Variants in PAPOLA observed in about 807,000 individuals in gnomAD.
The protein encoded by PAPOLA is poly(A) polymerase alpha, also known as polynucleotide adenylyltransferase alpha.
PAPOLA carries 15 observed loss-of-function variants against 100.6 expected under a neutral mutation model. That is an observed-to-expected ratio of 0.15 (90% CI 0.10 to 0.23). PAPOLA has a LOEUF of 0.23. Ranked by LOEUF, PAPOLA falls within the 10% of genes least tolerant of loss-of-function variation. The pLI, the probability that PAPOLA is intolerant of heterozygous loss-of-function variation, is 1.00. For missense variants in PAPOLA, 533 were observed against 884.2 expected, an observed-to-expected ratio of 0.60 and a Z score of 5.04; for synonymous variants, 293 against 300.0, an observed-to-expected ratio of 0.98 and a Z score of 0.24.
Position 96,566,765 on chromosome 14 carries a change from G to A in PAPOLA, c.*1715G>A, listed in dbSNP as rs1375287550. On this transcript the variant is annotated 3_prime_UTR_variant, in exon 22 of 22. Transcript: ENST00000216277. ...CAGGTGAAATGTACAAGGTGTCTGT[G>A]TGTTTTGTGTAGCTTCAGAGTTAGA... is the stretch of plus-strand genomic sequence containing the variant. 1 of 152,502 alleles carries A rather than the reference G, an allele frequency of 6.6e-6. No homozygotes were observed. The highest frequency in any genetic ancestry group is 1.5e-5 in the Non-Finnish European group (1 of 67,986). 9.4% of individuals were successfully genotyped at this position (152,502 alleles called of 1,614,324 possible). A position where few individuals can be genotyped will look rare whatever the true frequency, so the allele number is the denominator to read the frequency against.
chr14:96,516,032 G>A (rs914425150), intron 1 of PAPOLA, among the ~76,000 whole-genome samples: 2 of 152,190 alleles, frequency 1.3e-5, no homozygotes, highest in Non-Finnish European at 2.9e-5. Flanking sequence ...CAATATTGGA[G>A]TATATAGTTT....
At chr14:96,541,397 G>A (rs993648327) in intron 12 of PAPOLA, among the ~76,000 whole-genome samples, 1 of 152,188 alleles carries the variant, frequency 6.6e-6, no homozygotes, top group African/African-American at 2.4e-5. Context: ...GATGATGTCA[G>A]TTTGCTTTTT....
intron 17 of PAPOLA, 62 bp from the exon 18 acceptor site, chr14:96,555,785 A>C: frequency 1.2e-6 from 1 of 829,040 alleles, no homozygotes; most frequent in Non-Finnish European, 1.9e-6. Context: ...AGATTATTGT[A>C]ATTTTTTTTT....
Position 96,520,152 on chromosome 14 carries a change from T to C in PAPOLA, c.106T>C (p.Cys36Arg), listed in dbSNP as rs1344778726. Residue 36 changes from cysteine to arginine, a missense_variant, in exon 2 of 22, where the codon TGC (cysteine) becomes CGC (arginine). This residue lies in a region of PAPOLA where 48 missense variants were observed against 52.3 expected (regional missense o/e 0.92). Transcript: ENST00000216277. ...CTTAGCAGCCCCCAAGGAGACTGAC[T>C]GCGTACTTACACAGAAACTAATTGA... ...ISLAAPKETD[C>R]VLTQKLIETL... 1.9e-6 allele frequency: 3 copies of C among 1,614,046 alleles called. No individual in the cohort carries two copies. In the South Asian group the frequency reaches 3.3e-5, roughly 18 times the overall value.
intron 3 of PAPOLA, 102 bp from the exon 4 acceptor site, chr14:96,525,208 A>G (rs1310653917): frequency 3.1e-6 from 2 of 655,164 alleles, no homozygotes; most frequent in Non-Finnish European, 5.5e-6. Flanking sequence ...ATAAATTTAC[A>G]CTGTAATCTT....
At chr14:96,529,924 G>T (rs1898846856) in intron 6 of PAPOLA, among the ~76,000 whole-genome samples, 1 of 152,038 alleles carries the variant, frequency 6.6e-6, no homozygotes, top group South Asian at 2.1e-4. Flanking sequence ...CCTTAACTGT[G>T]GTTGTTTTAG....
intron 19 of PAPOLA, among the ~76,000 whole-genome samples, chr14:96,559,601 A>G (rs1390803673): frequency 6.8e-6 from 1 of 147,924 alleles, no homozygotes; most frequent in African/African-American, 2.5e-5. Flanking sequence ...ATATATACAC[A>G]CACACATATA....
intron 11 of PAPOLA, among the ~76,000 whole-genome samples, chr14:96,536,582 A>G (rs1566852776): frequency 6.6e-6 from 1 of 152,062 alleles, no homozygotes; most frequent in South Asian, 2.1e-4. Context: ...CTTTAGTTTC[A>G]TCTTTAGTCT....
At chr14:96,518,437 C>G (rs554351266) in intron 1 of PAPOLA, among the ~76,000 whole-genome samples, 2 of 150,820 alleles carry the variant, frequency 1.3e-5, no homozygotes, top group South Asian at 2.1e-4. Flanking sequence ...GAGACGGAGT[C>G]TCGCTCTGTC....
intron 12 of PAPOLA, chr14:96,537,581 A>G (rs1392773742): frequency 6.5e-6 from 1 of 154,108 alleles, no homozygotes; most frequent in East Asian, 1.9e-4. Context: ...GCTAGCTTTC[A>G]TGAATCTAAG....
intron 12 of PAPOLA, among the ~76,000 whole-genome samples, chr14:96,541,004 C>T (rs1188222608): frequency 1.3e-5 from 2 of 152,180 alleles, no homozygotes; most frequent in Non-Finnish European, 2.9e-5. Flanking sequence ...ATTCTCCTGC[C>T]TCAGCCTCCT....
At chr14:96,527,346 T>G (rs932396887) in intron 4 of PAPOLA, 84 bp from the exon 5 acceptor site, 2 of 810,040 alleles carry the variant, frequency 2.5e-6, no homozygotes, top group Admixed American at 2.2e-5. Context: ...AAACAGATTC[T>G]CAACATCAAA....
Position 96,565,570 on chromosome 14 carries a change from A to G in PAPOLA, c.*520A>G. 7.6e-6 allele frequency: 3 copies of G among 396,522 alleles called. No homozygotes were observed. 24.6% of individuals were successfully genotyped at this position (396,522 alleles called of 1,614,324 possible). ...ACTGTTATACTTCAGAGAAAGGGTA[A>G]GAGTACATCTAGTTCAGTTCCTATG... On this transcript the variant is annotated 3_prime_UTR_variant, in exon 22 of 22. Transcript: ENST00000216277.
intron 9 of PAPOLA, chr14:96,533,420 G>C (rs1566849912): frequency 5.1e-6 from 5 of 981,452 alleles, no homozygotes; most frequent in Non-Finnish European, 6.0e-6. Flanking sequence ...TTAGAGCTGT[G>C]TTCAACTGGA....
intron 16 of PAPOLA, among the ~76,000 whole-genome samples, chr14:96,550,741 T>G (rs1900783865): frequency 6.6e-6 from 1 of 152,232 alleles, no homozygotes; most frequent in Admixed American, 6.5e-5. Flanking sequence ...TACCCTGTAT[T>G]TGAGATCATT....
At chr14:96,560,402 A>G (rs1162938353) in intron 19 of PAPOLA, 4 of 356,004 alleles carry the variant, frequency 1.1e-5, no homozygotes, top group Non-Finnish European at 2.0e-5. Flanking sequence ...GGTTTTGGAA[A>G]TGTACTTTAG....
chr14:96,554,011 G>GT (rs955109761), intron 17 of PAPOLA, among the ~76,000 whole-genome samples: 16 of 151,696 alleles, frequency 1.1e-4, no homozygotes, highest in Non-Finnish European at 2.2e-4. Flanking sequence ...CATTTTAAAA[G>GT]TTTTTTTTTA....
intron 3 of PAPOLA, among the ~76,000 whole-genome samples, chr14:96,523,501 A>G (rs933608010): frequency 3.3e-5 from 5 of 152,230 alleles, no homozygotes; most frequent in Non-Finnish European, 5.9e-5. Context: ...TCTGTGGACC[A>G]GTGTTTTAAG....
At chr14:96,521,169 A>G (rs1897931415) in intron 3 of PAPOLA, 97 bp downstream of exon 3, 6 of 708,942 alleles carry the variant, frequency 8.5e-6, no homozygotes, top group Non-Finnish European at 1.5e-5. Context: ...GTGGATTTGG[A>G]GTCTTTAATG....
Sources: gnomAD v4.1 joint callset for allele counts (sites outside exome capture counted in the v4.1 genomes callset) on GRCh38, gnomAD v4.1.1 for gene constraint, gnomAD v4.1.1 regional missense constraint, MANE v1.5 for transcripts, NCBI Gene and HGNC (gene_info 2026-07-23, HGNC 2026-07-21) for gene names.